The following EPS15L1 variants were observed in gnomAD, a reference collection of about 807,000 sequenced individuals.
The protein encoded by EPS15L1 is epidermal growth factor receptor pathway substrate 15 like 1.
In EPS15L1, 43 loss-of-function variants were observed where a neutral mutation model predicts 117.1. That is an observed-to-expected ratio of 0.37 (90% CI 0.29 to 0.47). The LOEUF (loss-of-function observed/expected upper bound fraction) is 0.47, where lower values mean the gene tolerates loss of function less well. EPS15L1 is among the 20% of genes least tolerant of loss of function. The pLI, the probability that EPS15L1 is intolerant of heterozygous loss-of-function variation, is 0.99. For missense variants in EPS15L1, 981 were observed against 1,164.0 expected (o/e 0.84, Z 2.29); for synonymous variants, 459 against 470.5 (o/e 0.98, Z 0.32).
At position 16,432,955 on chromosome 19, in the gene EPS15L1, C is replaced by T. The variant is rs549019627; in HGVS notation, c.498+1410G>A. On this transcript the variant is annotated intron_variant, in intron 7 of 23. Coordinates refer to ENST00000455140, the MANE Select transcript of EPS15L1 (RefSeq NM_001258374.3). ...GAGTAGCTGGGACTACAGTCACGCA[C>T]CACCACACCTGGCTAGTTTTTTGTA... Among the ~76,000 whole-genome samples the T allele has an allele frequency of 7.4e-4, 113 of 151,882 alleles. 4 individuals are homozygous for T. In the Middle Eastern group the frequency reaches 0.01, roughly 14 times the overall value.
intron 15 of EPS15L1, 93 bp from the exon 16 acceptor site, chr19:16,402,578 G>GTGTT: frequency 8.1e-7 from 1 of 1,237,650 alleles, no homozygotes; most frequent in Non-Finnish European, 1.1e-6. Context: ...GTCTCACTCT[G>GTGTT]TCACCCAGAC....
At chr19:16,386,430 G>A (rs917613111) in intron 19 of EPS15L1, among the ~76,000 whole-genome samples, 199 bp from the exon 20 acceptor site, 9 of 152,160 alleles carry the variant, frequency 5.9e-5, no homozygotes, top group South Asian at 2.1e-4. Flanking sequence ...CAACCTGGAC[G>A]GAATATCCCC....
chr19:16,368,211 T>A (rs6512106), intron 22 of EPS15L1, among the ~76,000 whole-genome samples: 137,206 of 152,238 alleles, frequency 0.9, 62,337 homozygotes, highest in South Asian at 0.96. Flanking sequence ...CCTACACAAC[T>A]GTGGACACAC....
intron 22 of EPS15L1, 102 bp from the exon 23 acceptor site, chr19:16,362,086 T>G: frequency 4.1e-6 from 5 of 1,225,018 alleles, no homozygotes; most frequent in Non-Finnish European, 5.5e-6. Context: ...GGCGCTTCTC[T>G]GAGAAAAGCT....
In EPS15L1 at chr19:16,404,702, G is replaced by C. The variant is rs529286002; in HGVS notation, c.1314C>G (p.Leu438=). 2 of 1,614,010 alleles carry C rather than the reference G, an allele frequency of 1.2e-6. No homozygotes were observed. The highest frequency in any genetic ancestry group is 1.1e-5 in the South Asian group (1 of 91,070). Reference sequence around the variant, plus strand: ...CTTGAGCATCCTGTTTCTGAGCCTCGAGCTCCTGCAAACTGCTTGTTTCCC... The same window carrying C: ...CTTGAGCATCCTGTTTCTGAGCCTCCAGCTCCTGCAAACTGCTTGTTTCCC... ...LDRETSSLQE[L]EAQKQDAQDR... is the part of the protein sequence containing the mutation. The change falls in exon 14 of 24, where the codon CTC becomes CTG. Residue 438 remains leucine (L), a synonymous_variant. Transcript: ENST00000455140. The surrounding 1 kb of genome is among the most constrained non-coding windows in gnomAD (Gnocchi z 4.2).
At chr19:16,402,158 A>C (rs2092607870) in intron 16 of EPS15L1, 163 bp downstream of exon 16, 1 of 1,400,508 alleles carries the variant, frequency 7.1e-7, no homozygotes, top group Non-Finnish European at 9.3e-7. Context: ...GCCAGGCTGC[A>C]AGGCCTGGTG....
chr19:16,443,077 G>A (rs757010112), intron 1 of EPS15L1, among the ~76,000 whole-genome samples: 13 of 152,200 alleles, frequency 8.5e-5, no homozygotes, highest in African/African-American at 1.9e-4. Context: ...AAAAGTTTAC[G>A]TGCGTTGGTG....
chr19:16,390,138 T>C (rs1486268348), intron 19 of EPS15L1, among the ~76,000 whole-genome samples: 1 of 151,744 alleles, frequency 6.6e-6, no homozygotes, highest in Non-Finnish European at 1.5e-5. Context: ...AAAAGACACC[T>C]ATCAGTTTTA....
At chr19:16,440,637 AAAAT>A (rs573937966) in intron 4 of EPS15L1, 42 of 324,640 alleles carry the variant, frequency 1.3e-4, no homozygotes, top group East Asian at 2.5e-4. Flanking sequence ...CATTAAAAGA[AAAAT>A]AAATAAATAA....
At chr19:16,366,768 C>T (rs757783117) in intron 22 of EPS15L1, among the ~76,000 whole-genome samples, 68 of 152,160 alleles carry the variant, frequency 4.5e-4, no homozygotes, top group Non-Finnish European at 7.2e-4. Context: ...AATGACCAGA[C>T]GCTTTGAGCA....
chr19:16,380,388 G>A (rs888369647), intron 21 of EPS15L1, among the ~76,000 whole-genome samples: 1 of 152,172 alleles, frequency 6.6e-6, no homozygotes, highest in African/African-American at 2.4e-5. Flanking sequence ...TAAGATTTTA[G>A]TGTCCAGTCA....
At position 16,443,830 on chromosome 19, in the gene EPS15L1, C is replaced by A. The variant is rs568893444; in HGVS notation, c.34-1611G>T. On this transcript the variant is annotated intron_variant, in intron 1 of 23. Transcript: ENST00000455140. ...AATCCCAAACAGCACTTTGGGAGGC[C>A]GAGGCAGGCAGATCACGAGGTCAGG... is the stretch of plus-strand genomic sequence containing the variant. Among the ~76,000 whole-genome samples, 3 of 151,844 alleles carry A rather than the reference C, an allele frequency of 2.0e-5. No homozygotes were observed. The South Asian group carries it at 6.2e-4, about 32-fold the overall frequency.
In EPS15L1 at chr19:16,370,607, C is replaced by T. The variant is rs978130569; in HGVS notation, c.2380+6515G>A. On this transcript the variant is annotated intron_variant, in intron 22 of 23. Coordinates refer to ENST00000455140, the MANE Select transcript of EPS15L1 (RefSeq NM_001258374.3). The surrounding 1 kb of genome is among the most constrained non-coding windows in gnomAD (Gnocchi z 5.2). Reference sequence around the variant, plus strand: ...CGAGTCACACGACACTCCCTGGATCCGCCTCTGGGTACAGTGTGCCCAGGA... The same window carrying T: ...CGAGTCACACGACACTCCCTGGATCTGCCTCTGGGTACAGTGTGCCCAGGA... Among the ~76,000 whole-genome samples, 15 of 152,196 alleles carry T rather than the reference C, an allele frequency of 9.9e-5. No homozygotes were observed. Among genetic ancestry groups the T allele is most frequent in the African/African-American group, 3.4e-4 (14 of 41,446 alleles).
chr19:16,419,582 A>G (rs1473665373), intron 10 of EPS15L1, among the ~76,000 whole-genome samples: 1 of 152,278 alleles, frequency 6.6e-6, no homozygotes. Context: ...TCAACGAGGG[A>G]CCTCGTTTCC....
At chr19:16,378,789 G>A (rs913160894) in intron 21 of EPS15L1, among the ~76,000 whole-genome samples, 3 of 152,184 alleles carry the variant, frequency 2.0e-5, no homozygotes, top group East Asian at 3.9e-4. Context: ...GGTGTCCCAG[G>A]AGGGAGAAAA....
In EPS15L1 at chr19:16,471,828, G is replaced by A; in HGVS notation, c.33+85C>T. 1 of 715,970 alleles carries A rather than the reference G, an allele frequency of 1.4e-6. No homozygotes were observed. The highest frequency in any genetic ancestry group is 1.9e-6 in the Non-Finnish European group (1 of 527,766). 44.4% of individuals were successfully genotyped at this position (715,970 alleles called of 1,614,324 possible). ...GCGCCGCCCCCGCCGCCGCCTGGCT[G>A]AGTCTCCCAGCGCCTCAGCCTCGCC... On this transcript the variant is annotated intron_variant, in intron 1 of 23. Transcript: ENST00000455140. This position sits in a 1 kb window ranked among gnomAD's most constrained non-coding sequence, Gnocchi z 4.8.
rs369835527 is a variant in EPS15L1, at chr19:16,413,782, G to A, written c.1257C>T (p.Ser419=). 5.6e-6 allele frequency: 9 copies of A among 1,613,412 alleles called. No homozygotes were observed. Among genetic ancestry groups the A allele is most frequent in the Middle Eastern group, 1.6e-4 (1 of 6,080 alleles). ...EKEEAIRQKT[S]EVQELQNDLD... Reference sequence around the variant, plus strand: ...CGAACGAGACCCTTACCTGCACCTCGCTGGTTTTCTGTCTGATTGCCTCTT... The same window carrying A: ...CGAACGAGACCCTTACCTGCACCTCACTGGTTTTCTGTCTGATTGCCTCTT... Residue 419 remains serine (S), a synonymous_variant, in exon 13 of 24, where the codon AGC becomes AGT. Coordinates refer to ENST00000455140, the MANE Select transcript of EPS15L1 (RefSeq NM_001258374.3).
At chr19:16,418,201 G>A (rs1446948145) in intron 10 of EPS15L1, 97 bp from the exon 11 acceptor site, 29 of 1,384,786 alleles carry the variant, frequency 2.1e-5, no homozygotes, top group South Asian at 4.1e-5. Flanking sequence ...CGACAGCGAC[G>A]AAAACAACGG....
chr19:16,390,298 T>A (rs2092463246), intron 19 of EPS15L1, among the ~76,000 whole-genome samples: 1 of 152,216 alleles, frequency 6.6e-6, no homozygotes. Flanking sequence ...AAAAGGTTGT[T>A]GTGTCAGAAA....
Sources: gnomAD v4.1 joint callset for allele counts (sites outside exome capture counted in the v4.1 genomes callset) on GRCh38, gnomAD v4.1.1 for gene constraint, Gnocchi (gnomAD v3.1) non-coding constraint, MANE v1.5 for transcripts, NCBI Gene and HGNC (gene_info 2026-07-23, HGNC 2026-07-21) for gene names.